The following ARHGEF33 variants were observed in gnomAD, a reference collection of about 807,000 sequenced individuals.
The protein encoded by ARHGEF33 is Rho guanine nucleotide exchange factor 33.
A neutral mutation model predicts 101.9 loss-of-function variants in ARHGEF33; 72 were observed. That is an observed-to-expected ratio of 0.71 (90% CI 0.58 to 0.86). The LOEUF is 0.86. Ranked by LOEUF, ARHGEF33 falls within the 40% of genes least tolerant of loss-of-function variation. ARHGEF33 has a pLI of 0.00. For missense variants in ARHGEF33, 1,169 were observed against 1,111.3 expected (o/e 1.05, Z -0.74); for synonymous variants, 499 against 442.5 (o/e 1.13, Z -1.60).
Position 38,966,029 on chromosome 2 carries a change from C to T in ARHGEF33, c.2367C>T (p.Thr789=). ...VRREMHLEDT[T]RFCPKEERES... ...AGGAGATGCATTTAGAAGATACTAC[C>T]AGATTCTGTCCCAAAGAAGAAAGAG... The change falls in exon 17 of 18, where the codon ACC becomes ACT. Residue 789 remains threonine, a synonymous_variant. Coordinates refer to ENST00000409978, the MANE Select transcript of ARHGEF33 (RefSeq NM_001145451.5). 6.4e-7 allele frequency: 1 copy of T among 1,551,562 alleles called. No individual in the cohort carries two copies.
intron 10 of ARHGEF33, among the ~76,000 whole-genome samples, chr2:38,947,564 A>G (rs1472854057): frequency 6.6e-6 from 1 of 152,090 alleles, no homozygotes; most frequent in Non-Finnish European, 1.5e-5. Context: ...ACATCATACC[A>G]CTAACAGCTA....
chr2:38,891,423 A>G (rs1440382925), intron 1 of ARHGEF33, among the ~76,000 whole-genome samples: 2 of 151,214 alleles, frequency 1.3e-5, no homozygotes, highest in Non-Finnish European at 2.9e-5. Flanking sequence ...CTTTTTCTTT[A>G]ATGACAGCAG....
chr2:38,933,774 G>A (rs1667065016), intron 7 of ARHGEF33, among the ~76,000 whole-genome samples: 2 of 152,116 alleles, frequency 1.3e-5, no homozygotes, highest in Non-Finnish European at 2.9e-5. Flanking sequence ...TTTACCTAAG[G>A]GAAAGGATTA....
intron 17 of ARHGEF33, among the ~76,000 whole-genome samples, chr2:38,967,558 C>G (rs750219802): frequency 6.6e-6 from 1 of 152,092 alleles, no homozygotes; most frequent in African/African-American, 2.4e-5. Context: ...AGACACCTCT[C>G]CAGCCCACCC....
chr2:38,951,794 A>T (rs1049408695), intron 11 of ARHGEF33, among the ~76,000 whole-genome samples: 18 of 152,208 alleles, frequency 1.2e-4, no homozygotes, highest in African/African-American at 4.3e-4. Flanking sequence ...TTTCACACAC[A>T]ATTTTCATTC....
At chr2:38,904,047 C>T (rs1189640999) in intron 2 of ARHGEF33, among the ~76,000 whole-genome samples, 2 of 152,098 alleles carry the variant, frequency 1.3e-5, no homozygotes, top group African/African-American at 2.4e-5. Context: ...AAGAAGTTTA[C>T]AATTAACTTA....
chr2:38,938,115 C>T (rs1034406314), intron 9 of ARHGEF33, among the ~76,000 whole-genome samples: 5 of 152,098 alleles, frequency 3.3e-5, no homozygotes, highest in Admixed American at 2.6e-4. Flanking sequence ...AGAAGAGCGC[C>T]AACAACTTTA....
In ARHGEF33 at chr2:38,960,590, C is replaced by T. The variant is rs911671321; in HGVS notation, c.2285C>T (p.Thr762Ile). Residue 762 changes from threonine to isoleucine, a missense_variant, in exon 16 of 18, where the codon ACC becomes ATC. Physicochemically the swap from Thr to Ile is moderately conservative, Grantham distance 89. Coordinates refer to ENST00000409978, the MANE Select transcript of ARHGEF33 (RefSeq NM_001145451.5). ...GTCGCCGCCCGCGGCGCATCCAGGA[C>T]CTTCTTCCCCCAACAGAGGTCCCAA... ...AAVAARGASR[T>I]FFPQQRSQSE... is the part of the protein sequence containing the mutation. 1.3e-5 allele frequency: 18 copies of T among 1,393,382 alleles called. No individual in the cohort carries two copies. The East Asian group carries it at 6.5e-4, about 50-fold the overall frequency. 86.3% of individuals were successfully genotyped at this position (1,393,382 alleles called of 1,614,324 possible). A position where few individuals can be genotyped will look rare whatever the true frequency, so the allele number is the denominator to read the frequency against.
chr2:38,906,856 G>A (rs1666403126), intron 2 of ARHGEF33, among the ~76,000 whole-genome samples: 1 of 151,258 alleles, frequency 6.6e-6, no homozygotes, highest in Admixed American at 6.6e-5. Flanking sequence ...TACTCAGGCA[G>A]CTGAGGTGGG....
At chr2:38,901,622 C>G (rs958188953) in intron 2 of ARHGEF33, among the ~76,000 whole-genome samples, 1 of 152,242 alleles carries the variant, frequency 6.6e-6, no homozygotes, top group African/African-American at 2.4e-5. Context: ...GAGCTTCCAG[C>G]TTTGTACTAG....
intron 1 of ARHGEF33, among the ~76,000 whole-genome samples, chr2:38,890,962 C>G (rs544028016): frequency 6.8e-5 from 8 of 117,334 alleles, no homozygotes; most frequent in African/African-American, 2.3e-4. Context: ...GATGACCATA[C>G]TATTGGTTTT....
chr2:38,936,646 G>C (rs1365356485), intron 8 of ARHGEF33, among the ~76,000 whole-genome samples: 1 of 152,136 alleles, frequency 6.6e-6, no homozygotes, highest in East Asian at 1.9e-4. Context: ...AATCCTCAAG[G>C]GATAGTTGTA....
intron 4 of ARHGEF33, among the ~76,000 whole-genome samples, chr2:38,925,672 C>T (rs1666854576): frequency 6.6e-6 from 1 of 152,186 alleles, no homozygotes; most frequent in South Asian, 2.1e-4. Flanking sequence ...TTCAGTGACC[C>T]TGGTTTAGGG....
chr2:38,947,582 A>C (rs928022739), intron 10 of ARHGEF33, among the ~76,000 whole-genome samples: 3 of 152,038 alleles, frequency 2.0e-5, no homozygotes, highest in Admixed American at 6.6e-5. Context: ...CTACTTTTTC[A>C]GTTTATTATA....
chr2:38,899,868 T>C (rs1299909340), intron 2 of ARHGEF33, among the ~76,000 whole-genome samples: 1 of 152,078 alleles, frequency 6.6e-6, no homozygotes. Context: ...AAAAGAATCA[T>C]TACCTGCCAG....
chr2:38,889,966 A>C lies in ARHGEF33; in HGVS notation c.-179A>C. The stretch of plus-strand genomic sequence containing the variant: ...ATAAGCCTTGATCTGAGGATGATAT[A>C]ACCACCGCAGGCAACATGGGGTAAG... On this transcript the variant is annotated 5_prime_UTR_variant, in exon 1 of 18. An upstream open reading frame in the 5' UTR loses its in-frame stop. Transcript: ENST00000409978. The C allele has an allele frequency of 2.1e-6, 1 of 470,614 alleles. No homozygotes were observed. The highest frequency in any genetic ancestry group is 1.6e-5 in the South Asian group (1 of 64,422). The allele number at this position is 470,614 out of a possible 1,614,324, so 29.2% of individuals were successfully genotyped here.
intron 17 of ARHGEF33, among the ~76,000 whole-genome samples, chr2:38,968,511 C>G (rs552712137): frequency 6.6e-6 from 1 of 152,248 alleles, no homozygotes; most frequent in Non-Finnish European, 1.5e-5. Flanking sequence ...CCCCACTGAC[C>G]TTGGTATAAT....
At position 38,951,055 on chromosome 2, in the gene ARHGEF33, A is replaced by T; in HGVS notation, c.987A>T (p.Glu329Asp). ...QHLDLLHALQ[E>D]RVLKWPRQGV... ...TGGATCTGCTTCACGCACTGCAGGA[A>T]AGGGTCCTGAAGTGGCCACGCCAAG... Residue 329 changes from glutamate to aspartate, a missense_variant, in exon 11 of 18, where the codon GAA becomes GAT. Physicochemically the swap from Glu to Asp is conservative, Grantham distance 45 (BLOSUM62 2). Transcript: ENST00000409978. The T allele has an allele frequency of 6.4e-7, 1 of 1,552,004 alleles. No homozygotes were observed. The highest frequency in any genetic ancestry group is 8.7e-7 in the Non-Finnish European group (1 of 1,146,946).
intron 15 of ARHGEF33, chr2:38,959,608 C>A (rs976283288): frequency 2.1e-6 from 1 of 471,622 alleles, no homozygotes; most frequent in Non-Finnish European, 3.7e-6. Context: ...GGCCCGCAGG[C>A]CATTTCCCAG....
Sources: allele counts gnomAD v4.1 joint callset (sites outside exome capture counted in the v4.1 genomes callset), GRCh38; gene constraint gnomAD v4.1.1; transcripts MANE v1.5; gene names NCBI Gene and HGNC (gene_info 2026-07-23, HGNC 2026-07-21).